CPAMD8: variants seen among roughly 807,000 people sequenced by gnomAD.
The protein encoded by CPAMD8 is C3 and PZP-like alpha-2-macroglobulin domain-containing protein 8.
A neutral mutation model predicts 224.7 loss-of-function variants in CPAMD8; 146 were observed. The observed-to-expected ratio is 0.65, with a 90% CI of 0.57 to 0.75. The LOEUF (loss-of-function observed/expected upper bound fraction) is 0.75, where lower values mean the gene tolerates loss of function less well. CPAMD8 is among the 30% of genes least tolerant of loss of function. The pLI is 0.00. For synonymous variants in CPAMD8, 966 were observed against 1,044.6 expected (o/e 0.92, Z 1.45); for missense variants, 2,301 against 2,537.5 (o/e 0.91, Z 2.00).
At chr19:16,946,565 TTGTG>T (rs370917257) in intron 21 of CPAMD8, among the ~76,000 whole-genome samples, 5 of 145,002 alleles carry the variant, frequency 3.4e-5, no homozygotes, top group Non-Finnish European at 7.5e-5. Flanking sequence ...GTGTGTGGAT[TTGTG>T]TGTGTGTATA....
chr19:16,989,599 T>C lies in CPAMD8; in HGVS notation c.1395+44A>G. On this transcript the variant is annotated intron_variant, in intron 13 of 41. Transcript: ENST00000443236. The stretch of plus-strand genomic sequence containing the variant: ...ACAGCACCTGGCTCATGCTGCTTTT[T>C]GGATCCCGCATGGCCCAGGAAGGGT... 3.8e-6 allele frequency: 6 copies of C among 1,590,728 alleles called. No individual in the cohort carries two copies. In the Admixed American group the frequency reaches 1.1e-4, roughly 28 times the overall value.
intron 12 of CPAMD8, among the ~76,000 whole-genome samples, chr19:16,993,203 G>A (rs1004092462): frequency 6.6e-6 from 1 of 152,190 alleles, no homozygotes; most frequent in Non-Finnish European, 1.5e-5. Context: ...AGACTCCTTT[G>A]GCATAACTGG....
At chr19:16,925,823 G>C (rs1012519340) in intron 25 of CPAMD8, among the ~76,000 whole-genome samples, 1 of 151,550 alleles carries the variant, frequency 6.6e-6, no homozygotes, top group Non-Finnish European at 1.5e-5. Context: ...GCACAATCTC[G>C]GTTCACTGCA....
chr19:16,919,996 C>T (rs921496593), intron 27 of CPAMD8, among the ~76,000 whole-genome samples: 1 of 152,168 alleles, frequency 6.6e-6, no homozygotes, highest in Admixed American at 6.6e-5. Context: ...GGTCTAAGGC[C>T]ACACAGCTCA....
At chr19:16,947,558 T>G (rs1282216474) in intron 20 of CPAMD8, among the ~76,000 whole-genome samples, 1 of 152,142 alleles carries the variant, frequency 6.6e-6, no homozygotes, top group Admixed American at 6.6e-5. Flanking sequence ...GTCCATCCAC[T>G]CCGGGACTCC....
At chr19:16,997,048 G>A in intron 11 of CPAMD8, 63 bp downstream of exon 11, 1 of 987,652 alleles carries the variant, frequency 1.0e-6, no homozygotes, top group Admixed American at 1.7e-5. Context: ...AGAGCTAGTG[G>A]CTAGTGGTGG....
At chr19:17,022,261 C>T (rs1424583174) in intron 1 of CPAMD8, 80 bp from the exon 2 acceptor site, 1 of 1,494,824 alleles carries the variant, frequency 6.7e-7, no homozygotes, top group East Asian at 2.4e-5. Context: ...TCAGGGCTCT[C>T]CTCGCAGCAG....
In CPAMD8 at chr19:17,011,659, G is replaced by A. The variant is rs199892332; in HGVS notation, c.366C>T (p.Thr122=). The change falls in exon 4 of 42, where the codon ACC becomes ACT. Residue 122 remains threonine (T), a synonymous_variant. Transcript: ENST00000443236. ...GPLFHNQTSV[T]VDGRGASVFI... ...ATACAGAAGCGCCCCGGCCGTCCAC[G>A]GTCACCGAGGTCTGGTTGTGAAAGA... 101 of 1,614,068 alleles carry A rather than the reference G, an allele frequency of 6.3e-5. No homozygotes were observed. Among genetic ancestry groups the A allele is most frequent in the African/African-American group, 1.7e-4 (13 of 75,040 alleles).
At chr19:16,983,526 C>T (rs185786246) in intron 13 of CPAMD8, among the ~76,000 whole-genome samples, 5 of 151,932 alleles carry the variant, frequency 3.3e-5, no homozygotes, top group Admixed American at 2.6e-4. Flanking sequence ...AGAGCAAGAC[C>T]CTGTCTCAAA....
In CPAMD8 at chr19:16,906,398, CTT is replaced by C. The variant is rs1568459778; in HGVS notation, c.4027+552_4027+553del. On this transcript the variant is annotated intron_variant, in intron 30 of 41. Coordinates refer to ENST00000443236, the MANE Select transcript of CPAMD8 (RefSeq NM_015692.5). ...TCTTTCTTTCTTTCTTTCTTTCTTT[CTT>C]TCTTTCTTTCCTTCCTTCCTTCCTT... Among the ~76,000 whole-genome samples the C allele has an allele frequency of 1.7e-3, 170 of 98,804 alleles. 3 individuals are homozygous for C. Among genetic ancestry groups the C allele is most frequent in the African/African-American group, 5.6e-3 (148 of 26,310 alleles). The allele number at this position is 98,804 out of a possible 152,430, so 64.8% of individuals were successfully genotyped here. A position where few individuals can be genotyped will look rare whatever the true frequency, so the allele number is the denominator to read the frequency against.
chr19:16,945,692 G>C lies in CPAMD8; in HGVS notation c.2663-13C>G, dbSNP rs2122241172. On this transcript the variant is annotated splice_polypyrimidine_tract_variant and intron_variant, in intron 21 of 41. Coordinates refer to ENST00000443236, the MANE Select transcript of CPAMD8 (RefSeq NM_015692.5). ...GCAAGGGCTTTGGCTGCAGAAATTT[G>C]ATGTCTTGGTCTCAGAACAGGTCTC... 2 of 1,613,804 alleles carry C rather than the reference G, an allele frequency of 1.2e-6. No homozygotes were observed. The highest frequency in any genetic ancestry group is 4.5e-5 in the East Asian group (2 of 44,876).
In CPAMD8 at chr19:16,975,155, C is replaced by A; in HGVS notation, c.2012G>T (p.Arg671Leu). Reference protein sequence around the residue: ...WAGLTAQRRRRSSVFPWPWGI... With the variant: ...WAGLTAQRRRLSSVFPWPWGI... ...CCAAGGCCACGGGAAGACAGAGGAG[C>A]GCCGGCGTCGTTGTGCCGTCAGCCC... is the stretch of plus-strand genomic sequence containing the variant. The change falls in exon 17 of 42, where the codon CGC becomes CTC. Residue 671 changes from arginine to leucine, a missense_variant. By Grantham distance (102) the Arg-to-Leu change is moderately radical. Around this residue, in one of 4 missense-constraint regions of CPAMD8, gnomAD observed 1,709 missense variants for 1,753.2 expected, o/e 0.97. Transcript: ENST00000443236. 6.2e-7 allele frequency: 1 copy of A among 1,612,658 alleles called. No individual in the cohort carries two copies. The highest frequency in any genetic ancestry group is 2.2e-5 in the East Asian group (1 of 44,850).
rs75561925 is a variant in CPAMD8, at chr19:17,007,331, T to C, written c.559+1174A>G. On this transcript the variant is annotated intron_variant, in intron 7 of 41. Coordinates refer to ENST00000443236, the MANE Select transcript of CPAMD8 (RefSeq NM_015692.5). ...TCTGGGTGACAATAGCAAGACTGTA[T>C]TTTAAAAAAAAAGAAGAAGAAGAAA... is the stretch of plus-strand genomic sequence containing the variant. Among the ~76,000 whole-genome samples the C allele has an allele frequency of 6.7e-3, 990 of 147,550 alleles. 5 individuals are homozygous for C. The highest frequency in any genetic ancestry group is 0.011 in the Non-Finnish European group (731 of 67,268).
intron 39 of CPAMD8, 27 bp downstream of exon 39, chr19:16,897,664 G>C (rs1452762552): frequency 1.3e-5 from 17 of 1,314,672 alleles, no homozygotes; most frequent in Non-Finnish European, 1.8e-5. Context: ...GCCGCGGTGG[G>C]GGGCGGCAGT....
intron 19 of CPAMD8, among the ~76,000 whole-genome samples, chr19:16,956,609 C>T (rs934872649): frequency 6.6e-6 from 1 of 152,146 alleles, no homozygotes; most frequent in African/African-American, 2.4e-5. Flanking sequence ...ACAGGAAGAT[C>T]ACTTGAGGCC....
At chr19:16,986,874 G>A (rs1427349565) in intron 13 of CPAMD8, among the ~76,000 whole-genome samples, 2 of 151,948 alleles carry the variant, frequency 1.3e-5, no homozygotes, top group Non-Finnish European at 2.9e-5. Flanking sequence ...AGATGTGTAT[G>A]GCCAGGCGCG....
At chr19:16,941,973 AAACAACAACAAG>A (rs1361759090) in intron 22 of CPAMD8, among the ~76,000 whole-genome samples, 1 of 152,000 alleles carries the variant, frequency 6.6e-6, no homozygotes, top group African/African-American at 2.4e-5. Flanking sequence ...CTCCATCTCA[AAACAACAACAAG>A]AACAACAACA....
At chr19:16,902,298 C>T (rs757850610) in intron 35 of CPAMD8, among the ~76,000 whole-genome samples, 1 of 152,002 alleles carries the variant, frequency 6.6e-6, no homozygotes, top group South Asian at 2.1e-4. Flanking sequence ...GGGCAGATCA[C>T]GAGGTCAGGA....
intron 22 of CPAMD8, among the ~76,000 whole-genome samples, chr19:16,939,969 A>T (rs1195195238): frequency 2.0e-5 from 3 of 151,320 alleles, no homozygotes; most frequent in Non-Finnish European, 2.9e-5. Flanking sequence ...CTGGAGTGCA[A>T]TGGCGCGATC....
Sources: gnomAD v4.1 joint callset for allele counts (sites outside exome capture counted in the v4.1 genomes callset) on GRCh38, gnomAD v4.1.1 for gene constraint, gnomAD v4.1.1 regional missense constraint, MANE v1.5 for transcripts, NCBI Gene and HGNC (gene_info 2026-07-23, HGNC 2026-07-21) for gene names.